The following SNAPC4 variants were observed in gnomAD, a reference collection of about 807,000 sequenced individuals.
The protein encoded by SNAPC4 is small nuclear RNA activating complex polypeptide 4, also known as snRNA-activating protein complex subunit 4.
A neutral mutation model predicts 151.3 loss-of-function variants in SNAPC4; 127 were observed. The observed-to-expected ratio is 0.84, with a 90% CI of 0.73 to 0.97. The LOEUF (loss-of-function observed/expected upper bound fraction) is 0.97, where lower values mean the gene tolerates loss of function less well. Among genes scored for constraint, SNAPC4 ranks in the 50% least tolerant of loss-of-function variants. The pLI is 0.00. For synonymous variants in SNAPC4, 1,002 were observed against 824.4 expected (o/e 1.22, Z -3.69); for missense variants, 2,186 against 1,935.0 (o/e 1.13, Z -2.43).
At chr9:136,376,268 C>T (rs1833441009) in intron 23 of SNAPC4, 81 bp downstream of exon 23, 2 of 1,538,318 alleles carry the variant, frequency 1.3e-6, no homozygotes, top group African/African-American at 1.4e-5. Flanking sequence ...AAGAGCCGAG[C>T]AGAGGCCAAG....
Position 136,394,878 on chromosome 9 carries a change from C to T in SNAPC4, c.472G>A (p.Gly158Arg). The change falls in exon 6 of 24, where the codon GGG becomes AGG. Residue 158 changes from glycine to arginine, a missense_variant and splice_region_variant. Physicochemically the swap from Gly to Arg is moderately radical, Grantham distance 125. Transcript: ENST00000684778. The part of the protein sequence containing the change: ...PYFKDKVTGV[G>R]PPANEDTREK... ...CGTGTGTCCTCGTTGGCAGGTGGCC[C>T]CTGTCAGGGTGCACGGCATCACCAC... The T allele has an allele frequency of 6.2e-7, 1 of 1,613,692 alleles. No homozygotes were observed. The highest frequency in any genetic ancestry group is 8.5e-7 in the Non-Finnish European group (1 of 1,179,898).
Position 136,378,811 on chromosome 9 carries a change from C to T in SNAPC4, c.3016G>A (p.Ala1006Thr), listed in dbSNP as rs2131469251. 3.1e-6 allele frequency: 5 copies of T among 1,588,578 alleles called. No homozygotes were observed. The African/African-American group carries it at 4.0e-5, about 13-fold the overall frequency. Residue 1006 changes from alanine to threonine, a missense_variant, in exon 22 of 24, where the codon GCC becomes ACC. By Grantham distance (58) the Ala-to-Thr change is moderately conservative. Coordinates refer to ENST00000684778, the MANE Select transcript of SNAPC4 (RefSeq NM_003086.4). ...ATCTGGCCGGGGCCCAGGGCAGGGG[C>T]TTGGGAAGCAGCAGGGGCTGTGCCC... ...AEGTAPAASQ[A>T]PALGPGQISV...
chr9:136,394,194 C>A, intron 7 of SNAPC4, 55 bp downstream of exon 7: 1 of 1,398,764 alleles, frequency 7.1e-7, no homozygotes, highest in Non-Finnish European at 1.0e-6. Context: ...GGATTCCAGG[C>A]ATGAGCCCTA....
intron 1 of SNAPC4, chr9:136,398,840 G>C (rs775860151): frequency 5.8e-6 from 1 of 171,824 alleles, no homozygotes; most frequent in African/African-American, 2.4e-5. Context: ...GACACAGCCC[G>C]TGACCCACTT....
At chr9:136,394,183 G>A in intron 7 of SNAPC4, 66 bp downstream of exon 7, 1 of 1,321,154 alleles carries the variant, frequency 7.6e-7, no homozygotes, top group South Asian at 1.2e-5. Flanking sequence ...CCAAAGTGCT[G>A]GGATTCCAGG....
chr9:136,396,838 A>AT (rs1834291039), intron 3 of SNAPC4, 139 bp downstream of exon 3: 1 of 751,864 alleles, frequency 1.3e-6, no homozygotes, highest in South Asian at 1.5e-5. Context: ...ATGCTTTTTA[A>AT]TTTTTTTATA....
chr9:136,380,653 G>C (rs1250286997), intron 20 of SNAPC4, 87 bp downstream of exon 20: 1 of 727,920 alleles, frequency 1.4e-6, no homozygotes, highest in African/African-American at 1.7e-5. Flanking sequence ...GGAGCGGGTG[G>C]GGCGGGCAGC....
At chr9:136,380,700 G>T in intron 20 of SNAPC4, 40 bp downstream of exon 20, 1 of 1,154,412 alleles carries the variant, frequency 8.7e-7, no homozygotes, top group African/African-American at 1.5e-5. Context: ...GCCGGGGCGG[G>T]CAGTGGCCAT....
intron 19 of SNAPC4, 88 bp downstream of exon 19, chr9:136,381,234 T>TGCAGTAGATTCATTCCTTA (rs1833679028): frequency 9.6e-7 from 1 of 1,039,432 alleles, no homozygotes. Context: ...AGCTAGACTT[T>TGCAGTAGATTCATTCCTTA]AAGGAATGAA....
rs749136499 is a variant in SNAPC4, at chr9:136,387,696, C to T, written c.1230+46G>A. On this transcript the variant is annotated intron_variant, in intron 12 of 23. Transcript: ENST00000684778. The stretch of plus-strand genomic sequence containing the variant: ...GCACAGCAGCCGCTGAACACAGCCG[C>T]GTTACCTTCCCAGAGCCCAGTTCTC... 28 of 1,418,524 alleles carry T rather than the reference C, an allele frequency of 2.0e-5. No individual in the cohort carries two copies. In the East Asian group the frequency reaches 3.0e-4, roughly 15 times the overall value. 87.9% of individuals were successfully genotyped at this position (1,418,524 alleles called of 1,614,324 possible).
chr9:136,398,416 C>T lies in SNAPC4; in HGVS notation c.13G>A (p.Ala5Thr), dbSNP rs1259667834. ...TCCTGTGTTATCTTCTCTCTTTCAG[C>T]ATCTACATCCATGACTCCCGCCTGC... Reference protein sequence around the residue: MDVDAEREKITQEIK... With the variant: MDVDTEREKITQEIK... The change falls in exon 2 of 24, where the codon GCT becomes ACT. Residue 5 changes from alanine (A) to threonine (T), a missense_variant. Ala to Thr is a moderately conservative substitution (Grantham distance 58). Transcript: ENST00000684778. 2 of 1,613,364 alleles carry T rather than the reference C, an allele frequency of 1.2e-6. No individual in the cohort carries two copies. The highest frequency in any genetic ancestry group is 8.5e-7 in the Non-Finnish European group (1 of 1,179,396).
chr9:136,387,970 G>A (rs1833946525), intron 11 of SNAPC4, 122 bp from the exon 12 acceptor site: 1 of 670,732 alleles, frequency 1.5e-6, no homozygotes, highest in Non-Finnish European at 2.7e-6. Context: ...GGGTCACATA[G>A]AAAAGAATCA....
chr9:136,396,722 C>A (rs1444293560), intron 3 of SNAPC4, among the ~76,000 whole-genome samples: 1 of 152,210 alleles, frequency 6.6e-6, no homozygotes, highest in African/African-American at 2.4e-5. Context: ...GTGACAGATG[C>A]CACACAGGAG....
chr9:136,393,055 C>T (rs1285366867), intron 7 of SNAPC4, among the ~76,000 whole-genome samples: 1 of 152,212 alleles, frequency 6.6e-6, no homozygotes, highest in East Asian at 1.9e-4. Context: ...AGCCTCAGTG[C>T]CCCAGCTCCC....
At position 136,379,036 on chromosome 9, in the gene SNAPC4, G is replaced by A. The variant is rs764489613; in HGVS notation, c.2791C>T (p.Pro931Ser). The change falls in exon 22 of 24, where the codon CCC (proline) becomes TCC (serine). Residue 931 changes from proline (P) to serine (S), a missense_variant. Physicochemically the swap from Pro to Ser is moderately conservative, Grantham distance 74. Coordinates refer to ENST00000684778, the MANE Select transcript of SNAPC4 (RefSeq NM_003086.4). ...LLVSSSVILQ[P>S]PLPHTPHGRP... Reference sequence around the variant, plus strand: ...CCGTGTGGGGTGTGTGGTAGAGGGGGCTGGAGGATCACAGACGAGGAGACC... The same window carrying A: ...CCGTGTGGGGTGTGTGGTAGAGGGGACTGGAGGATCACAGACGAGGAGACC... 15 of 1,597,674 alleles carry A rather than the reference G, an allele frequency of 9.4e-6. No individual in the cohort carries two copies. The Admixed American group carries it at 1.0e-4, about 11-fold the overall frequency.
Position 136,378,750 on chromosome 9 carries a change from G to A in SNAPC4, c.3077C>T (p.Ser1026Phe). 2 of 1,523,310 alleles carry A rather than the reference G, an allele frequency of 1.3e-6. No individual in the cohort carries two copies. Among genetic ancestry groups the A allele is most frequent in the East Asian group, 2.3e-5 (1 of 43,424 alleles). The allele number at this position is 1,523,310 out of a possible 1,614,324, so 94.4% of individuals were successfully genotyped here. ...VSCPESGLGQ[S>F]QAPAASRKQG... ...CTTCCGGGATGCAGCGGGGGCCTGA[G>A]ACTGTCCGAGACCACTCTCGGGGCA... Residue 1026 changes from serine to phenylalanine, a missense_variant, in exon 22 of 24, where the codon TCT (serine) becomes TTT (phenylalanine). Ser to Phe is a radical substitution (Grantham distance 155). Coordinates refer to ENST00000684778, the MANE Select transcript of SNAPC4 (RefSeq NM_003086.4).
intron 6 of SNAPC4, 83 bp downstream of exon 6, chr9:136,394,717 A>G: frequency 7.9e-7 from 1 of 1,264,970 alleles, no homozygotes; most frequent in Non-Finnish European, 1.1e-6. Context: ...AGGTCTGAGA[A>G]CTTGGGGAGA....
rs973368538 is a variant in SNAPC4, at chr9:136,384,048, C to G, written c.1421-16G>C. The G allele has an allele frequency of 6.2e-7, 1 of 1,610,302 alleles. No individual in the cohort carries two copies. Among genetic ancestry groups the G allele is most frequent in the Non-Finnish European group, 8.5e-7 (1 of 1,177,484 alleles). ...GCCCAGTGACCTGCAAAAGCCAAAC[C>G]CCATGGAAATGCCTTCATCCAAAGA... On this transcript the variant is annotated splice_polypyrimidine_tract_variant and intron_variant, in intron 14 of 23. Transcript: ENST00000684778.
In SNAPC4 at chr9:136,387,738, T is replaced by G. The variant is rs1833938032; in HGVS notation, c.1230+4A>C. ...CCAGTTCTCCTAGGGTCCCGCACAC[T>G]TACAGCATCTTCCTCCGGGGCCCAG... On this transcript the variant is annotated splice_donor_region_variant and intron_variant, in intron 12 of 23. Transcript: ENST00000684778. The G allele has an allele frequency of 6.3e-7, 1 of 1,586,810 alleles. No individual in the cohort carries two copies. The highest frequency in any genetic ancestry group is 2.2e-5 in the East Asian group (1 of 44,786).
Sources: gnomAD v4.1 joint callset for allele counts (sites outside exome capture counted in the v4.1 genomes callset) on GRCh38, gnomAD v4.1.1 for gene constraint, MANE v1.5 for transcripts, NCBI Gene and HGNC (gene_info 2026-07-23, HGNC 2026-07-21) for gene names.